Variants in TMTC1 observed in about 807,000 individuals in gnomAD.
TMTC1 encodes the protein transmembrane O-mannosyltransferase targeting cadherins 1.
TMTC1 carries 73 observed loss-of-function variants against 104.8 expected under a neutral mutation model. The ratio of observed to expected loss-of-function variants is 0.70; its 90% CI spans 0.58 to 0.85. The LOEUF (loss-of-function observed/expected upper bound fraction) is 0.85, where lower values mean the gene tolerates loss of function less well. Among genes scored for constraint, TMTC1 ranks in the 40% least tolerant of loss-of-function variants. TMTC1 has a pLI of 0.00. For synonymous variants in TMTC1, 434 were observed against 428.7 expected, an observed-to-expected ratio of 1.01 and a Z score of -0.15; for missense variants, 1,035 against 1,096.1, an observed-to-expected ratio of 0.94 and a Z score of 0.79.
chr12:29,521,243 AG>A (rs1944146994), intron 11 of TMTC1, among the ~76,000 whole-genome samples: 1 of 152,190 alleles, frequency 6.6e-6, no homozygotes, highest in Admixed American at 6.5e-5. Context: ...GGAAGTAGAG[AG>A]GGGAGGCAGA....
chr12:29,547,884 T>C (rs1202567505), intron 10 of TMTC1, among the ~76,000 whole-genome samples: 6 of 152,198 alleles, frequency 3.9e-5, no homozygotes, highest in Admixed American at 3.3e-4. Context: ...TGCACTGTGA[T>C]AGAAGCAATG....
chr12:29,649,874 A>G (rs1045842504), intron 5 of TMTC1, among the ~76,000 whole-genome samples: 1 of 152,158 alleles, frequency 6.6e-6, no homozygotes, highest in Non-Finnish European at 1.5e-5. Flanking sequence ...TAAGGATGCT[A>G]ACTATAACCA....
At chr12:29,519,085 A>T (rs1368214995) in intron 12 of TMTC1, 1 of 152,602 alleles carries the variant, frequency 6.6e-6, no homozygotes, top group South Asian at 2.1e-4. Flanking sequence ...TAAATAACAC[A>T]TATCAGCTCT....
chr12:29,782,407 C>T (rs1327581833), intron 1 of TMTC1, among the ~76,000 whole-genome samples: 1 of 152,196 alleles, frequency 6.6e-6, no homozygotes, highest in Non-Finnish European at 1.5e-5. Flanking sequence ...TTTCAAGCTG[C>T]CAACCCAGTC....
At chr12:29,581,387 T>C (rs1041081526) in intron 8 of TMTC1, among the ~76,000 whole-genome samples, 4 of 152,228 alleles carry the variant, frequency 2.6e-5, no homozygotes, top group African/African-American at 9.6e-5. Flanking sequence ...ATAGCTTTGA[T>C]TTACACATTA....
At chr12:29,567,262 T>C (rs79176641) in intron 9 of TMTC1, among the ~76,000 whole-genome samples, 2,461 of 152,282 alleles carry the variant, frequency 0.016, 67 homozygotes, top group African/African-American at 0.056. Context: ...TGGGGAACCA[T>C]GCATAAGAGA....
At chr12:29,643,746 A>ATAT (rs2136559572) in intron 5 of TMTC1, among the ~76,000 whole-genome samples, 1 of 61,576 alleles carries the variant, frequency 1.6e-5, no homozygotes, top group Non-Finnish European at 2.6e-5. Flanking sequence ...TAATAAATAT[A>ATAT]TATAAATATT....
In TMTC1 at chr12:29,767,164, G is replaced by T. The variant is rs140846059; in HGVS notation, c.480+734C>A. On this transcript the variant is annotated intron_variant, in intron 2 of 17. Transcript: ENST00000539277. The stretch of plus-strand genomic sequence containing the variant: ...CATGGGGATTCACCACATTGGCCAG[G>T]CTGGTCTTGAACTTCTGACTTCAAG... Among the ~76,000 whole-genome samples, 931 of 152,170 alleles carry T rather than the reference G, an allele frequency of 6.1e-3. 6 individuals are homozygous for T. Among genetic ancestry groups the T allele is most frequent in the Middle Eastern group, 0.024 (7 of 294 alleles).
chr12:29,657,730 G>A (rs1444966577), intron 5 of TMTC1, among the ~76,000 whole-genome samples: 1 of 152,086 alleles, frequency 6.6e-6, no homozygotes, highest in East Asian at 1.9e-4. Context: ...AAGCATACAA[G>A]GCAAAGAAAG....
At chr12:29,701,028 C>CTTTTTTTTTTTT (rs761664217) in intron 5 of TMTC1, among the ~76,000 whole-genome samples, 1 of 142,852 alleles carries the variant, frequency 7.0e-6, no homozygotes. Flanking sequence ...GAATTTCTTT[C>CTTTTTTTTTTTT]TTTTTTTTTT....
intron 17 of TMTC1, among the ~76,000 whole-genome samples, chr12:29,511,464 C>T (rs992908847): frequency 7.2e-5 from 11 of 152,064 alleles, no homozygotes; most frequent in African/African-American, 2.2e-4. Context: ...GATGGCGAAT[C>T]GTTCATTGCA....
At chr12:29,615,104 A>G (rs575193241) in intron 6 of TMTC1, among the ~76,000 whole-genome samples, 11 of 152,366 alleles carry the variant, frequency 7.2e-5, no homozygotes, top group South Asian at 6.2e-4. Context: ...ATAAGCGAAC[A>G]GGGCCAATTT....
chr12:29,721,999 T>C (rs1942249515), intron 5 of TMTC1, among the ~76,000 whole-genome samples: 1 of 152,190 alleles, frequency 6.6e-6, no homozygotes, highest in Admixed American at 6.5e-5. Flanking sequence ...AGATGCCTAT[T>C]GTATCCTTCT....
intron 1 of TMTC1, among the ~76,000 whole-genome samples, chr12:29,776,087 G>A (rs1943701164): frequency 6.6e-6 from 1 of 152,164 alleles, no homozygotes; most frequent in African/African-American, 2.4e-5. Context: ...ATTCCTTATA[G>A]AAAGCATAGG....
At chr12:29,570,818 T>A (rs2710775) in intron 9 of TMTC1, among the ~76,000 whole-genome samples, 1 of 134,896 alleles carries the variant, frequency 7.4e-6, no homozygotes, top group East Asian at 2.3e-4. Context: ...CACTCCAGCC[T>A]GGGTGACAGA....
chr12:29,599,011 C>G (rs1425081093), intron 7 of TMTC1, among the ~76,000 whole-genome samples: 1 of 152,200 alleles, frequency 6.6e-6, no homozygotes, highest in Non-Finnish European at 1.5e-5. Flanking sequence ...TCTACTCATT[C>G]AAGTCTTCCT....
chr12:29,650,171 C>A (rs1483617478), intron 5 of TMTC1, among the ~76,000 whole-genome samples: 1 of 151,674 alleles, frequency 6.6e-6, no homozygotes, highest in African/African-American at 2.4e-5. Flanking sequence ...GCAACCTCTG[C>A]CTCCCAAGGT....
intron 5 of TMTC1, among the ~76,000 whole-genome samples, chr12:29,710,701 A>G (rs1941881488): frequency 1.5e-5 from 2 of 137,750 alleles, no homozygotes; most frequent in South Asian, 4.4e-4. Flanking sequence ...ATATATTTAT[A>G]AATATGTATT....
At chr12:29,748,707 G>C (rs1943016961) in intron 5 of TMTC1, among the ~76,000 whole-genome samples, 1 of 152,204 alleles carries the variant, frequency 6.6e-6, no homozygotes, top group African/African-American at 2.4e-5. Context: ...TTGGATAATA[G>C]AAAGTTTTCT....
Sources: gnomAD v4.1 joint callset for allele counts (sites outside exome capture counted in the v4.1 genomes callset) on GRCh38, gnomAD v4.1.1 for gene constraint, MANE v1.5 for transcripts, NCBI Gene and HGNC (gene_info 2026-07-23, HGNC 2026-07-21) for gene names.